The following NELL2 variants were observed in gnomAD, a reference collection of about 807,000 sequenced individuals.
NELL2 encodes the protein neural EGFL like 2, also known as protein kinase C-binding protein NELL2.
A neutral mutation model predicts 109.6 loss-of-function variants in NELL2; 41 were observed. The observed-to-expected ratio is 0.37, with a 90% CI of 0.29 to 0.49. The LOEUF is 0.49. NELL2 is among the 20% of genes least tolerant of loss of function. The pLI is 0.98. For synonymous variants in NELL2, 355 were observed against 344.7 expected, an observed-to-expected ratio of 1.03 and a Z score of -0.33; for missense variants, 900 against 1,008.3, an observed-to-expected ratio of 0.89 and a Z score of 1.45.
chr12:44,830,691 G>C (rs537633951), intron 2 of NELL2, among the ~76,000 whole-genome samples: 4 of 152,056 alleles, frequency 2.6e-5, no homozygotes, highest in East Asian at 1.9e-4. Flanking sequence ...GCTGCTCAGA[G>C]ATTTTACAAA....
At chr12:44,907,701 G>T (rs1945735001) in intron 1 of NELL2, among the ~76,000 whole-genome samples, 1 of 152,062 alleles carries the variant, frequency 6.6e-6, no homozygotes, top group Non-Finnish European at 1.5e-5. Context: ...ATCAAATGAA[G>T]TTGTCTTTGT....
intron 2 of NELL2, among the ~76,000 whole-genome samples, chr12:44,862,099 A>G (rs1944859956): frequency 6.6e-6 from 1 of 152,246 alleles, no homozygotes; most frequent in Non-Finnish European, 1.5e-5. Flanking sequence ...AAACCTCAAG[A>G]AAGTACATAT....
At chr12:44,694,250 A>T (rs1384788125) in intron 12 of NELL2, among the ~76,000 whole-genome samples, 2 of 152,188 alleles carry the variant, frequency 1.3e-5, no homozygotes, top group Admixed American at 1.3e-4. Flanking sequence ...AGACTTGAAT[A>T]GAACAAAAAG....
chr12:44,556,965 G>A (rs148869468), intron 15 of NELL2, among the ~76,000 whole-genome samples: 1 of 152,148 alleles, frequency 6.6e-6, no homozygotes, highest in East Asian at 1.9e-4. Context: ...GAAGGGATTT[G>A]TTTGTTGGAC....
At chr12:44,753,121 C>T (rs373348562) in intron 9 of NELL2, among the ~76,000 whole-genome samples, 1 of 152,164 alleles carries the variant, frequency 6.6e-6, no homozygotes, top group Admixed American at 6.5e-5. Context: ...ACATGGCCGG[C>T]TCCTTCACTT....
At chr12:44,761,936 G>C (rs1941143316) in intron 9 of NELL2, among the ~76,000 whole-genome samples, 1 of 152,154 alleles carries the variant, frequency 6.6e-6, no homozygotes, top group South Asian at 2.1e-4. Context: ...ATCATGTTCA[G>C]TATTCAGGTG....
intron 15 of NELL2, among the ~76,000 whole-genome samples, chr12:44,571,525 G>T (rs1943871443): frequency 1.3e-5 from 2 of 152,186 alleles, no homozygotes; most frequent in Admixed American, 1.3e-4. Context: ...CTCTGTCTGG[G>T]AAGTGATGTT....
intron 15 of NELL2, among the ~76,000 whole-genome samples, chr12:44,570,593 CATTAAA>C (rs1943829995): frequency 6.6e-6 from 1 of 152,102 alleles, no homozygotes; most frequent in Non-Finnish European, 1.5e-5. Flanking sequence ...TGTCAATGCC[CATTAAA>C]ATATAAAACT....
intron 15 of NELL2, among the ~76,000 whole-genome samples, chr12:44,562,369 G>A (rs1317564480): frequency 6.6e-6 from 1 of 152,178 alleles, no homozygotes; most frequent in African/African-American, 2.4e-5. Context: ...TATCATCAGA[G>A]TGAACAGGCA....
chr12:44,547,645 A>G (rs1193547139), intron 15 of NELL2, among the ~76,000 whole-genome samples: 2 of 152,204 alleles, frequency 1.3e-5, no homozygotes, highest in Non-Finnish European at 2.9e-5. Flanking sequence ...TTGATGAATA[A>G]AACCAGAATG....
intron 12 of NELL2, among the ~76,000 whole-genome samples, chr12:44,686,695 C>G (rs1038007858): frequency 6.6e-6 from 1 of 151,972 alleles, no homozygotes; most frequent in East Asian, 1.9e-4. Context: ...CAGTCTGCCC[C>G]TGCTGGGGGG....
intron 1 of NELL2, among the ~76,000 whole-genome samples, chr12:44,913,049 G>A (rs1409207638): frequency 6.6e-6 from 1 of 152,206 alleles, no homozygotes; most frequent in Non-Finnish European, 1.5e-5. Context: ...CATACAGTAA[G>A]CATAATGTGT....
chr12:44,920,488 T>C (rs926778814), intron 1 of NELL2, among the ~76,000 whole-genome samples: 20 of 152,206 alleles, frequency 1.3e-4, no homozygotes, highest in Non-Finnish European at 2.4e-4. Flanking sequence ...GTAACAAAGG[T>C]TTCCTAATGT....
At chr12:44,810,857 C>T (rs1943151892) in intron 3 of NELL2, among the ~76,000 whole-genome samples, 1 of 152,046 alleles carries the variant, frequency 6.6e-6, no homozygotes, top group African/African-American at 2.4e-5. Flanking sequence ...AAGAAAGCTA[C>T]AATTTAGATT....
At chr12:44,866,320 C>T (rs1490412524) in intron 2 of NELL2, among the ~76,000 whole-genome samples, 2 of 151,930 alleles carry the variant, frequency 1.3e-5, no homozygotes, top group Non-Finnish European at 2.9e-5. Flanking sequence ...ACAAAATTTG[C>T]AAATACATAA....
rs1052708606 is a variant in NELL2, at chr12:44,633,488, A to G, written c.1445-22518T>C. Among the ~76,000 whole-genome samples, 5 of 152,118 alleles carry G rather than the reference A, an allele frequency of 3.3e-5. No homozygotes were observed. The East Asian group carries it at 9.6e-4, about 29-fold the overall frequency. On this transcript the variant is annotated intron_variant, in intron 13 of 19. Coordinates refer to ENST00000429094, the MANE Select transcript of NELL2 (RefSeq NM_001145108.2). ...AAGAAATAATAAAGAAGTAATACAC[A>G]CATCTTAAATGCTTAAAATATACAA...
chr12:44,621,689 T>G (rs981030482), intron 13 of NELL2, among the ~76,000 whole-genome samples: 4 of 145,972 alleles, frequency 2.7e-5, no homozygotes, highest in Non-Finnish European at 4.5e-5. Context: ...ATTGTTATTG[T>G]GCTCGAACTT....
intron 2 of NELL2, among the ~76,000 whole-genome samples, chr12:44,834,009 T>C (rs1851973618): frequency 6.6e-6 from 1 of 152,250 alleles, no homozygotes; most frequent in South Asian, 2.1e-4. Flanking sequence ...TATATTTCAC[T>C]TCCATAAAAT....
At position 44,534,084 on chromosome 12, in the gene NELL2, C is replaced by T. The variant is rs137991120; in HGVS notation, c.1664-1363G>A. On this transcript the variant is annotated intron_variant, in intron 15 of 19. Coordinates refer to ENST00000429094, the MANE Select transcript of NELL2 (RefSeq NM_001145108.2). ...TACTTCAGTTGACAGAATCTACTTC[C>T]TCCTATTTCAGTCTCATCCCCCTCC... Among the ~76,000 whole-genome samples, 51 of 152,160 alleles carry T rather than the reference C, an allele frequency of 3.4e-4. No individual in the cohort carries two copies. In the East Asian group the frequency reaches 8.1e-3, roughly 24 times the overall value.
Sources: gnomAD v4.1 joint callset for allele counts (sites outside exome capture counted in the v4.1 genomes callset) on GRCh38, gnomAD v4.1.1 for gene constraint, MANE v1.5 for transcripts, NCBI Gene and HGNC (gene_info 2026-07-23, HGNC 2026-07-21) for gene names.